The following PIEZO2 variants were observed in gnomAD, a reference collection of about 807,000 sequenced individuals.
PIEZO2 encodes the protein piezo type mechanosensitive ion channel component 2, also known as piezo-type mechanosensitive ion channel component 2.
In PIEZO2, 172 loss-of-function variants were observed where a neutral mutation model predicts 337.3. The ratio of observed to expected loss-of-function variants is 0.51; its 90% CI spans 0.45 to 0.58. PIEZO2 has a LOEUF of 0.58. PIEZO2 is among the 20% of genes least tolerant of loss of function. The pLI is 0.00. For synonymous variants in PIEZO2, 1,251 were observed against 1,228.5 expected (o/e 1.02, Z -0.38); for missense variants, 3,028 against 3,391.3 (o/e 0.89, Z 2.66).
intron 36 of PIEZO2, among the ~76,000 whole-genome samples, chr18:10,729,245 G>C (rs2036667964): frequency 6.6e-6 from 1 of 152,200 alleles, no homozygotes; most frequent in Non-Finnish European, 1.5e-5. Flanking sequence ...TGTAATTAGA[G>C]TTCCATTAGA....
chr18:10,916,507 C>A (rs1231752903), intron 3 of PIEZO2, among the ~76,000 whole-genome samples: 1 of 152,204 alleles, frequency 6.6e-6, no homozygotes, highest in Non-Finnish European at 1.5e-5. Flanking sequence ...CCAGTTCCCC[C>A]TCCACACCTG....
At chr18:10,858,570 T>G (rs1327771844) in intron 5 of PIEZO2, among the ~76,000 whole-genome samples, 3 of 152,198 alleles carry the variant, frequency 2.0e-5, no homozygotes. Flanking sequence ...TTAATGGTTC[T>G]TTTTTGATAT....
chr18:11,017,093 G>A (rs1032063), intron 2 of PIEZO2, among the ~76,000 whole-genome samples: 56,333 of 151,930 alleles, frequency 0.37, 10,816 homozygotes, highest in African/African-American at 0.43. Flanking sequence ...TTCTAGGGAC[G>A]AGGGATGAGA....
intron 52 of PIEZO2, among the ~76,000 whole-genome samples, chr18:10,679,417 T>C (rs756469550): frequency 7.9e-5 from 12 of 152,242 alleles, no homozygotes; most frequent in Non-Finnish European, 1.6e-4. Flanking sequence ...AACCCAACTT[T>C]AAAATATATA....
intron 2 of PIEZO2, among the ~76,000 whole-genome samples, chr18:11,026,169 T>C (rs1163983977): frequency 6.6e-6 from 1 of 152,346 alleles, no homozygotes; most frequent in South Asian, 2.1e-4. Context: ...TCAATAGTCA[T>C]GGTCAGCAAA....
rs2035482023 is a variant in PIEZO2 at position 10,704,474 on chromosome 18, T to C, written c.6178A>G (p.Ile2060Val). Residue 2060 changes from isoleucine (I) to valine (V), a missense_variant, in exon 42 of 56, where the codon ATC becomes GTC. Physicochemically the swap from Ile to Val is conservative, Grantham distance 29. Transcript: ENST00000674853. ...AACATGGCCCAGAGGAAGATGAGGATGGGAAGCAGGAGCGTGATCATGGAG... is the reference window on the plus strand; with the variant it reads ...AACATGGCCCAGAGGAAGATGAGGACGGGAAGCAGGAGCGTGATCATGGAG... Reference protein sequence around the residue: ...SASMITLLLPILIFLWAMLSV... With the variant: ...SASMITLLLPVLIFLWAMLSV... 6.5e-7 allele frequency: 1 copy of C among 1,537,036 alleles called. No individual in the cohort carries two copies. Among genetic ancestry groups the C allele is most frequent in the South Asian group, 1.2e-5 (1 of 84,056 alleles).
At chr18:10,717,590 T>C (rs572797699) in intron 37 of PIEZO2, among the ~76,000 whole-genome samples, 1 of 150,214 alleles carries the variant, frequency 6.7e-6, no homozygotes, top group South Asian at 2.1e-4. Context: ...GGCTTTGGCC[T>C]TTTTTTCTTC....
Position 10,773,997 on chromosome 18 carries a change from G to A in PIEZO2, c.2567+9C>T, listed in dbSNP as rs1000131571. The A allele has an allele frequency of 2.3e-5, 16 of 702,916 alleles. No homozygotes were observed. The highest frequency in any genetic ancestry group is 2.1e-4 in the South Asian group (14 of 67,586). 43.5% of individuals were successfully genotyped at this position (702,916 alleles called of 1,614,324 possible). On this transcript the variant is annotated intron_variant, in intron 19 of 55. Coordinates refer to ENST00000674853, the MANE Select transcript of PIEZO2 (RefSeq NM_001378183.1). The surrounding 1 kb of genome is among the most constrained non-coding windows in gnomAD (Gnocchi z 5.3). The stretch of plus-strand genomic sequence containing the variant: ...AGCAAGCATTTCATGGCTTCACAGG[G>A]GGACTTACTCATTTTGGTGGATTGG...
At chr18:10,868,306 G>T (rs1257575506) in intron 5 of PIEZO2, among the ~76,000 whole-genome samples, 1 of 152,176 alleles carries the variant, frequency 6.6e-6, no homozygotes, top group African/African-American at 2.4e-5. Flanking sequence ...CAAACTCCAA[G>T]ATTTATAAGC....
At chr18:10,933,384 T>C (rs1394558582) in intron 3 of PIEZO2, among the ~76,000 whole-genome samples, 1 of 152,194 alleles carries the variant, frequency 6.6e-6, no homozygotes, top group Non-Finnish European at 1.5e-5. Context: ...GATTACATAT[T>C]AGAAATATTA....
intron 4 of PIEZO2, among the ~76,000 whole-genome samples, chr18:10,876,424 T>C (rs1382016450): frequency 6.6e-6 from 1 of 152,236 alleles, no homozygotes; most frequent in Non-Finnish European, 1.5e-5. Flanking sequence ...GGCTACAGAA[T>C]CTTCCTTGGT....
intron 39 of PIEZO2, among the ~76,000 whole-genome samples, chr18:10,712,810 A>T (rs796621822): frequency 2.6e-4 from 39 of 152,352 alleles, no homozygotes; most frequent in African/African-American, 8.7e-4. Flanking sequence ...CAGTCATTTT[A>T]TTCTATGAAT....
In PIEZO2 at chr18:10,969,881, A is replaced by G. The variant is rs914846442; in HGVS notation, c.286+9654T>C. Among the ~76,000 whole-genome samples, 1 of 151,944 alleles carries G rather than the reference A, an allele frequency of 6.6e-6. No individual in the cohort carries two copies. Among genetic ancestry groups the G allele is most frequent in the Non-Finnish European group, 1.5e-5 (1 of 67,994 alleles). On this transcript the variant is annotated intron_variant, in intron 3 of 55. Coordinates refer to ENST00000674853, the MANE Select transcript of PIEZO2 (RefSeq NM_001378183.1). The surrounding 1 kb of genome is among the most constrained non-coding windows in gnomAD (Gnocchi z 4.5). ...CAAAACAAAGCAAGAGAGTCATCAA[A>G]TTTTGTCTTTGCCATACCTTTATTT...
chr18:11,027,092 A>G lies in PIEZO2; in HGVS notation c.160+39035T>C, dbSNP rs2036570436. Among the ~76,000 whole-genome samples the G allele has an allele frequency of 1.3e-5, 2 of 152,246 alleles. No homozygotes were observed. The highest frequency in any genetic ancestry group is 3.8e-4 in the East Asian group (2 of 5,206). ...AGCAGTCAATTCTAAACTGTGTAAG[A>G]ATGAGTGTGTGCATAGCTACACTTA... On this transcript the variant is annotated intron_variant, in intron 2 of 55. Transcript: ENST00000674853. This position sits in a 1 kb window ranked among gnomAD's most constrained non-coding sequence, Gnocchi z 4.2.
rs527411919 is a variant in PIEZO2 at position 11,040,548 on chromosome 18, G to T, written c.160+25579C>A. 7.2e-5 allele frequency among the ~76,000 whole-genome samples: 11 copies of T among 152,268 alleles called. No individual in the cohort carries two copies. In the South Asian group the frequency reaches 2.3e-3, roughly 32 times the overall value. On this transcript the variant is annotated intron_variant, in intron 2 of 55. Transcript: ENST00000674853. ...AACAATAGCACAGAAGTACTTGGCT[G>T]GGAATGTGAATGTTACGTAATTTTC...
Position 10,773,497 on chromosome 18 carries a change from C to T in PIEZO2, c.2700G>A (p.Gln900=). The stretch of plus-strand genomic sequence containing the variant: ...CGCTGTCTTTCCCAAGATCACCCTT[C>T]TGGGCTTTTTCAGAGTAGCCCTCAA... ...EKLEGYSEKA[Q]KGDLGKDSEE... The change falls in exon 20 of 56, where the codon CAG becomes CAA. Residue 900 remains glutamine, a synonymous_variant. Coordinates refer to ENST00000674853, the MANE Select transcript of PIEZO2 (RefSeq NM_001378183.1). This position sits in a 1 kb window ranked among gnomAD's most constrained non-coding sequence, Gnocchi z 5.3. 1.3e-6 allele frequency: 2 copies of T among 1,537,476 alleles called. No individual in the cohort carries two copies.
chr18:10,714,355 A>T (rs1192376144), intron 39 of PIEZO2, among the ~76,000 whole-genome samples: 2 of 152,202 alleles, frequency 1.3e-5, no homozygotes, highest in Non-Finnish European at 2.9e-5. Flanking sequence ...TTAAGGTAAC[A>T]ATTCTGAAGG....
intron 1 of PIEZO2, among the ~76,000 whole-genome samples, chr18:11,086,455 C>G (rs1178726962): frequency 2.0e-5 from 3 of 151,044 alleles, no homozygotes; most frequent in Non-Finnish European, 4.4e-5. Context: ...GGAGGCGGAG[C>G]TTGCAGTGAG....
chr18:10,693,103 T>C (rs2034923056), intron 47 of PIEZO2, among the ~76,000 whole-genome samples: 1 of 152,226 alleles, frequency 6.6e-6, no homozygotes, highest in Non-Finnish European at 1.5e-5. Context: ...TGTTTTATCA[T>C]ATTTATCCCT....
Sources: gnomAD v4.1 joint callset for allele counts (sites outside exome capture counted in the v4.1 genomes callset) on GRCh38, gnomAD v4.1.1 for gene constraint, Gnocchi (gnomAD v3.1) non-coding constraint, MANE v1.5 for transcripts, NCBI Gene and HGNC (gene_info 2026-07-23, HGNC 2026-07-21) for gene names.